NLGN1: variants seen among roughly 807,000 people sequenced by gnomAD.
NLGN1 encodes neuroligin 1.
A neutral mutation model predicts 65.5 loss-of-function variants in NLGN1; 12 were observed. That is an observed-to-expected ratio of 0.18 (90% CI 0.12 to 0.30). The LOEUF is 0.30. Among genes scored for constraint, NLGN1 ranks in the 10% least tolerant of loss-of-function variants. The probability of loss-of-function intolerance (pLI) is 1.00; values close to 1 mark genes in which losing one functional copy is unlikely to be tolerated. For synonymous variants in NLGN1, 350 were observed against 359.5 expected, an observed-to-expected ratio of 0.97 and a Z score of 0.30; for missense variants, 750 against 1,007.1, an observed-to-expected ratio of 0.74 and a Z score of 3.46.
intron 3 of NLGN1, among the ~76,000 whole-genome samples, chr3:173,713,871 A>G (rs1463407721): frequency 6.6e-6 from 1 of 152,084 alleles, no homozygotes; most frequent in Non-Finnish European, 1.5e-5. Context: ...TGTAGGGTGC[A>G]TTGTTATGCC....
chr3:173,826,860 T>C (rs549942549), intron 4 of NLGN1, among the ~76,000 whole-genome samples: 3 of 152,212 alleles, frequency 2.0e-5, no homozygotes, highest in South Asian at 2.1e-4. Context: ...GGGGCTTGAC[T>C]TAGCAGAAAA....
At chr3:173,848,636 G>C (rs1055064795) in intron 4 of NLGN1, among the ~76,000 whole-genome samples, 12 of 152,098 alleles carry the variant, frequency 7.9e-5, no homozygotes, top group African/African-American at 2.9e-4. Flanking sequence ...CTAAGAGAGG[G>C]AACATTTGAA....
intron 4 of NLGN1, among the ~76,000 whole-genome samples, chr3:173,971,788 T>C (rs1716301475): frequency 6.6e-6 from 1 of 152,046 alleles, no homozygotes; most frequent in African/African-American, 2.4e-5. Context: ...AAAGTGACTT[T>C]CTAGAATGTG....
intron 2 of NLGN1, among the ~76,000 whole-genome samples, chr3:173,602,506 G>C (rs995094393): frequency 6.6e-6 from 1 of 152,048 alleles, no homozygotes; most frequent in South Asian, 2.1e-4. Flanking sequence ...TGCAATTTGC[G>C]TTAAAGTAGC....
chr3:174,178,914 GGTCA>G (rs1291220145), intron 4 of NLGN1, among the ~76,000 whole-genome samples: 1 of 152,046 alleles, frequency 6.6e-6, no homozygotes, highest in East Asian at 1.9e-4. Flanking sequence ...GCATATAGGA[GGTCA>G]GTGACTTTCT....
intron 4 of NLGN1, among the ~76,000 whole-genome samples, chr3:174,011,784 C>A (rs1250844517): frequency 6.6e-6 from 1 of 152,058 alleles, no homozygotes; most frequent in Non-Finnish European, 1.5e-5. Context: ...TATAGAAATT[C>A]ATATTGTTCC....
At chr3:174,141,786 G>GTC (rs1161667877) in intron 4 of NLGN1, among the ~76,000 whole-genome samples, 1 of 151,962 alleles carries the variant, frequency 6.6e-6, no homozygotes, top group African/African-American at 2.4e-5. Flanking sequence ...AATTAATAAG[G>GTC]TCATTTCAGG....
At chr3:174,053,812 C>A (rs1477947822) in intron 4 of NLGN1, among the ~76,000 whole-genome samples, 1 of 151,922 alleles carries the variant, frequency 6.6e-6, no homozygotes, top group Non-Finnish European at 1.5e-5. Flanking sequence ...TAGGAAAAAA[C>A]ATTCACAGCA....
chr3:174,060,309 A>G (rs1737115681), intron 4 of NLGN1, among the ~76,000 whole-genome samples: 1 of 152,112 alleles, frequency 6.6e-6, no homozygotes, highest in African/African-American at 2.4e-5. Flanking sequence ...AGCCTCAGCC[A>G]TGGATAACTT....
chr3:173,824,293 A>T (rs2150553173), intron 4 of NLGN1, among the ~76,000 whole-genome samples: 1 of 152,122 alleles, frequency 6.6e-6, no homozygotes, highest in East Asian at 1.9e-4. Context: ...TTGCCATTTT[A>T]TGTGACTCAT....
At chr3:173,444,684 C>A (rs1239489839) in intron 2 of NLGN1, among the ~76,000 whole-genome samples, 1 of 152,026 alleles carries the variant, frequency 6.6e-6, no homozygotes, top group Non-Finnish European at 1.5e-5. Flanking sequence ...TTCCTGGCCT[C>A]AACGGCTGGA....
intron 3 of NLGN1, among the ~76,000 whole-genome samples, chr3:173,728,014 G>A (rs561785171): frequency 1.3e-5 from 2 of 152,222 alleles, no homozygotes; most frequent in South Asian, 4.1e-4. Flanking sequence ...GTGAATCATT[G>A]ATGGCTTGGG....
chr3:174,147,465 C>CTTTTTT (rs1723541776), intron 4 of NLGN1, among the ~76,000 whole-genome samples: 2 of 31,730 alleles, frequency 6.3e-5, no homozygotes, highest in African/African-American at 1.8e-4. Flanking sequence ...CAGAGTTTTG[C>CTTTTTT]TCTTTTTGCT....
intron 2 of NLGN1, among the ~76,000 whole-genome samples, chr3:173,576,294 A>AT (rs1167870709): frequency 6.6e-6 from 1 of 152,104 alleles, no homozygotes; most frequent in Non-Finnish European, 1.5e-5. Context: ...AATATTTTTA[A>AT]TATCTTTAAT....
At chr3:173,982,686 C>T (rs1348294057) in intron 4 of NLGN1, among the ~76,000 whole-genome samples, 3 of 152,132 alleles carry the variant, frequency 2.0e-5, no homozygotes, top group Admixed American at 2.0e-4. Flanking sequence ...AACTTTTTGT[C>T]ATATTGGTTA....
At chr3:174,219,802 C>G (rs938242138) in intron 4 of NLGN1, among the ~76,000 whole-genome samples, 4 of 152,002 alleles carry the variant, frequency 2.6e-5, no homozygotes, top group Non-Finnish European at 5.9e-5. Flanking sequence ...GACCAAAGAC[C>G]AAAATGGTCA....
intron 3 of NLGN1, among the ~76,000 whole-genome samples, chr3:173,620,824 A>G (rs1180968199): frequency 6.6e-6 from 1 of 152,124 alleles, no homozygotes; most frequent in African/African-American, 2.4e-5. Context: ...TTGAGAAGAA[A>G]AACATGCAGA....
At chr3:173,536,867 A>G (rs1296264561) in intron 2 of NLGN1, among the ~76,000 whole-genome samples, 1 of 152,160 alleles carries the variant, frequency 6.6e-6, no homozygotes, top group Non-Finnish European at 1.5e-5. Flanking sequence ...CCAGCAAGTT[A>G]GAGACTCAGG....
chr3:173,431,604 G>A (rs1327263112), intron 1 of NLGN1, among the ~76,000 whole-genome samples: 2 of 151,930 alleles, frequency 1.3e-5, no homozygotes, highest in Non-Finnish European at 2.9e-5. Flanking sequence ...AAAATTGATT[G>A]GAAGATGCAG....
Sources: allele counts gnomAD v4.1 joint callset (sites outside exome capture counted in the v4.1 genomes callset), GRCh38; gene constraint gnomAD v4.1.1; transcripts MANE v1.5; gene names NCBI Gene and HGNC (gene_info 2026-07-23, HGNC 2026-07-21).